IGFBP7: variants seen among roughly 807,000 people sequenced by gnomAD.
IGFBP7 encodes insulin-like growth factor-binding protein 7.
Under a neutral mutation model 29.4 loss-of-function variants are expected in IGFBP7, and 31 were observed. The observed-to-expected ratio is 1.05, with a 90% CI of 0.79 to 1.42. The LOEUF is 1.42. Among genes scored for constraint, IGFBP7 ranks in the 40% most tolerant of loss-of-function variants. The probability of loss-of-function intolerance (pLI) is 0.00; values close to 1 mark genes in which losing one functional copy is unlikely to be tolerated. For synonymous variants in IGFBP7, 172 were observed against 174.9 expected (o/e 0.98, Z 0.13); for missense variants, 393 against 395.5 (o/e 0.99, Z 0.05).
At chr4:57,086,289 G>A (rs1725495790) in intron 1 of IGFBP7, among the ~76,000 whole-genome samples, 1 of 152,196 alleles carries the variant, frequency 6.6e-6, no homozygotes, top group African/African-American at 2.4e-5. Flanking sequence ...GACACTTGGA[G>A]ATTATGGAGT....
At chr4:57,092,735 A>G (rs1725670327) in intron 1 of IGFBP7, among the ~76,000 whole-genome samples, 1 of 150,884 alleles carries the variant, frequency 6.6e-6, no homozygotes, top group Non-Finnish European at 1.5e-5. Flanking sequence ...ATTATAAAGA[A>G]ATAACTCAGA....
chr4:57,054,221 A>G (rs1724584108), intron 1 of IGFBP7, among the ~76,000 whole-genome samples: 1 of 142,976 alleles, frequency 7.0e-6, no homozygotes, highest in South Asian at 2.5e-4. Context: ...TGGTATCCTC[A>G]GACATCAGGA....
At chr4:57,064,366 A>G (rs1191660609) in intron 1 of IGFBP7, among the ~76,000 whole-genome samples, 1 of 152,198 alleles carries the variant, frequency 6.6e-6, no homozygotes, top group Non-Finnish European at 1.5e-5. Context: ...ACAAACAAAT[A>G]AAACTGCAGA....
chr4:57,094,311 G>C (rs931012702), intron 1 of IGFBP7, among the ~76,000 whole-genome samples: 14 of 152,194 alleles, frequency 9.2e-5, no homozygotes, highest in Non-Finnish European at 2.9e-5. Context: ...CAGAGCCAGG[G>C]ACAGAGCCTA....
chr4:57,056,220 T>C (rs1578621286), intron 1 of IGFBP7, among the ~76,000 whole-genome samples: 1 of 152,320 alleles, frequency 6.6e-6, no homozygotes, highest in African/African-American at 2.4e-5. Context: ...CCTTTGCTCA[T>C]GCATTCTTTG....
chr4:57,049,013 T>C (rs1277299), intron 1 of IGFBP7, among the ~76,000 whole-genome samples: 152,071 of 152,326 alleles, frequency 1, 75,910 homozygotes, highest in Non-Finnish European at 1. Flanking sequence ...GCTTTGACAT[T>C]TATGAAGTTC....
chr4:57,052,982 A>T (rs1424069919), intron 1 of IGFBP7, among the ~76,000 whole-genome samples: 2 of 152,050 alleles, frequency 1.3e-5, no homozygotes, highest in East Asian at 3.8e-4. Flanking sequence ...GGTTGCTTGC[A>T]AACAAATCTC....
intron 1 of IGFBP7, among the ~76,000 whole-genome samples, chr4:57,057,453 G>T (rs1724702167): frequency 6.6e-6 from 1 of 152,170 alleles, no homozygotes; most frequent in African/African-American, 2.4e-5. Flanking sequence ...CATCAGTTCT[G>T]GCCTTGGAGA....
intron 1 of IGFBP7, among the ~76,000 whole-genome samples, chr4:57,058,468 A>C (rs1345358412): frequency 6.6e-6 from 1 of 152,212 alleles, no homozygotes; most frequent in Non-Finnish European, 1.5e-5. Context: ...TCTGATCTTC[A>C]ACAAAGCTAA....
chr4:57,058,524 C>G (rs1401050243), intron 1 of IGFBP7, among the ~76,000 whole-genome samples: 1 of 152,156 alleles, frequency 6.6e-6, no homozygotes, highest in African/African-American at 2.4e-5. Context: ...ATAAATGGTG[C>G]TGGGATAACT....
At chr4:57,109,215 T>A (rs1726109111) in intron 1 of IGFBP7, among the ~76,000 whole-genome samples, 1 of 151,974 alleles carries the variant, frequency 6.6e-6, no homozygotes, top group African/African-American at 2.4e-5. Flanking sequence ...AGCTCAGGAG[T>A]TCGAGACCAG....
chr4:57,036,341 G>A (rs946136766), intron 2 of IGFBP7, among the ~76,000 whole-genome samples: 11 of 152,188 alleles, frequency 7.2e-5, no homozygotes, highest in East Asian at 3.9e-4. Flanking sequence ...TTCTTTATAC[G>A]TCTTTGGATA....
chr4:57,063,770 T>C (rs981941427), intron 1 of IGFBP7, among the ~76,000 whole-genome samples: 2 of 152,324 alleles, frequency 1.3e-5, no homozygotes, highest in African/African-American at 4.8e-5. Context: ...ATGCCCTTTT[T>C]ATGTTTCTGA....
At chr4:57,043,537 C>A (rs1724282635) in intron 1 of IGFBP7, among the ~76,000 whole-genome samples, 2 of 152,188 alleles carry the variant, frequency 1.3e-5, no homozygotes, top group South Asian at 4.1e-4. Flanking sequence ...AAGGAAATGA[C>A]CCCAGTGTGC....
intron 1 of IGFBP7, among the ~76,000 whole-genome samples, chr4:57,053,618 G>T (rs1724569303): frequency 6.6e-6 from 1 of 152,142 alleles, no homozygotes; most frequent in Non-Finnish European, 1.5e-5. Context: ...GTATTCAGCA[G>T]AGCTCCCCTA....
chr4:57,072,083 G>C (rs1437352052), intron 1 of IGFBP7, among the ~76,000 whole-genome samples: 2 of 152,026 alleles, frequency 1.3e-5, no homozygotes, highest in Non-Finnish European at 2.9e-5. Flanking sequence ...TGTACAGATT[G>C]TTTCATCACC....
chr4:57,038,699 C>T (rs1724142339), intron 2 of IGFBP7, among the ~76,000 whole-genome samples: 1 of 152,092 alleles, frequency 6.6e-6, no homozygotes, highest in Non-Finnish European at 1.5e-5. Context: ...TTTTTGGTAG[C>T]ATGAGTTTGA....
intron 1 of IGFBP7, among the ~76,000 whole-genome samples, chr4:57,083,980 T>C (rs918450130): frequency 2.0e-5 from 3 of 152,248 alleles, no homozygotes; most frequent in African/African-American, 4.8e-5. Flanking sequence ...GTTTGGCCAT[T>C]ACTTTGTGTG....
intron 1 of IGFBP7, among the ~76,000 whole-genome samples, chr4:57,098,407 G>A (rs1346272195): frequency 1.3e-5 from 2 of 152,206 alleles, no homozygotes; most frequent in Admixed American, 1.3e-4. Context: ...ACATGGAGAG[G>A]TGGGAAAGGG....
Sources: gnomAD v4.1 joint callset for allele counts (sites outside exome capture counted in the v4.1 genomes callset) on GRCh38, gnomAD v4.1.1 for gene constraint, MANE v1.5 for transcripts, NCBI Gene and HGNC (gene_info 2026-07-23, HGNC 2026-07-21) for gene names.